The following UBE2E3 variants were observed in gnomAD, a reference collection of about 807,000 sequenced individuals.
UBE2E3 encodes ubiquitin conjugating enzyme E2 E3.
A neutral mutation model predicts 23.6 loss-of-function variants in UBE2E3; 5 were observed. The observed-to-expected ratio is 0.21, with a 90% confidence interval of 0.11 to 0.44. UBE2E3 has a LOEUF of 0.44. Ranked by LOEUF, UBE2E3 falls within the 20% of genes least tolerant of loss-of-function variation. The pLI, the probability that UBE2E3 is intolerant of heterozygous loss-of-function variation, is 0.99. For synonymous variants in UBE2E3, 78 were observed against 87.5 expected (o/e 0.89, Z 0.60); for missense variants, 81 against 249.8 (o/e 0.32, Z 4.55).
At position 181,010,420 on chromosome 2, in the gene UBE2E3, T is replaced by G. The variant is rs1685287217; in HGVS notation, c.245+26327T>G. On this transcript the variant is annotated intron_variant, in intron 3 of 5. Transcript: ENST00000410062. Reference sequence around the variant, plus strand: ...AGTAGTGGGTGTACAAGTCGCGCTCTTATTGCAGCTGGCAGCATGTCAGTC... The same window carrying G: ...AGTAGTGGGTGTACAAGTCGCGCTCGTATTGCAGCTGGCAGCATGTCAGTC... Among the ~76,000 whole-genome samples, 3 of 152,190 alleles carry G rather than the reference T, an allele frequency of 2.0e-5. No individual in the cohort carries two copies. The South Asian group carries it at 6.2e-4, about 31-fold the overall frequency.
intron 3 of UBE2E3, among the ~76,000 whole-genome samples, chr2:181,012,700 C>T (rs779060058): frequency 5.9e-5 from 9 of 152,068 alleles, no homozygotes; most frequent in Non-Finnish European, 1.3e-4. Flanking sequence ...ATACCCATAT[C>T]CCTAGTTGTT....
chr2:181,006,866 A>C (rs56319018), intron 3 of UBE2E3, among the ~76,000 whole-genome samples: 35,340 of 152,128 alleles, frequency 0.23, 4,472 homozygotes, highest in Non-Finnish European at 0.28. Flanking sequence ...TTTTTAAAGT[A>C]AGATACTACT....
At chr2:180,991,785 G>A (rs1684666731) in intron 3 of UBE2E3, among the ~76,000 whole-genome samples, 1 of 151,900 alleles carries the variant, frequency 6.6e-6, no homozygotes, top group African/African-American at 2.4e-5. Context: ...AGCATATACA[G>A]TATGGATAAA....
intron 5 of UBE2E3, 151 bp from the exon 6 acceptor site, chr2:181,062,640 C>T (rs1447779933): frequency 7.7e-6 from 3 of 390,006 alleles, no homozygotes; most frequent in Non-Finnish European, 1.4e-5. Flanking sequence ...TACATATGAT[C>T]ATGTTACTTT....
At chr2:181,051,215 T>G (rs761098531) in intron 3 of UBE2E3, among the ~76,000 whole-genome samples, 1 of 151,902 alleles carries the variant, frequency 6.6e-6, no homozygotes, top group Non-Finnish European at 1.5e-5. Flanking sequence ...ATCCTTCAGC[T>G]TAACTTTTTT....
intron 3 of UBE2E3, chr2:180,990,126 T>C (rs1160598124): frequency 1.1e-6 from 1 of 879,160 alleles, no homozygotes; most frequent in Non-Finnish European, 1.6e-6. Flanking sequence ...CTTTTGCCTT[T>C]TGATCAGTGG....
At chr2:181,024,930 C>A (rs1243915977) in intron 3 of UBE2E3, among the ~76,000 whole-genome samples, 1 of 151,916 alleles carries the variant, frequency 6.6e-6, no homozygotes, top group Non-Finnish European at 1.5e-5. Context: ...TGCTTCACAT[C>A]AGCTCTATTA....
chr2:181,052,626 A>G (rs1249376407), intron 3 of UBE2E3, among the ~76,000 whole-genome samples: 1 of 151,800 alleles, frequency 6.6e-6, no homozygotes, highest in Non-Finnish European at 1.5e-5. Flanking sequence ...ACTTTCACAC[A>G]TTTTAACACC....
chr2:181,052,757 A>T (rs1686880348), intron 3 of UBE2E3, among the ~76,000 whole-genome samples: 1 of 151,798 alleles, frequency 6.6e-6, no homozygotes, highest in South Asian at 2.1e-4. Flanking sequence ...ACTTTTGCTG[A>T]AAGGTCTACC....
chr2:181,061,976 A>G (rs1687169075), intron 5 of UBE2E3, among the ~76,000 whole-genome samples: 2 of 151,568 alleles, frequency 1.3e-5, no homozygotes. Flanking sequence ...GAATGTGACA[A>G]CTCTATATGA....
chr2:181,039,822 G>A (rs1686426891), intron 3 of UBE2E3, among the ~76,000 whole-genome samples: 1 of 152,112 alleles, frequency 6.6e-6, no homozygotes, highest in South Asian at 2.1e-4. Context: ...AAATACTCAA[G>A]TTCCTTATAT....
chr2:181,009,531 ATTTATACTAGGCTTTATTATT>A (rs1293993260), intron 3 of UBE2E3, among the ~76,000 whole-genome samples: 54 of 151,870 alleles, frequency 3.6e-4, no homozygotes, highest in African/African-American at 1.3e-3. Flanking sequence ...ACTAGGCTTT[ATTTATACTAGGCTTTATTATT>A]TTATTTTATT....
intron 3 of UBE2E3, among the ~76,000 whole-genome samples, chr2:180,994,985 G>A (rs764414337): frequency 6.6e-6 from 1 of 152,168 alleles, no homozygotes; most frequent in African/African-American, 2.4e-5. Context: ...ATAACATACT[G>A]TATTACTGCA....
intron 3 of UBE2E3, among the ~76,000 whole-genome samples, chr2:180,994,137 T>C (rs958985708): frequency 2.6e-5 from 4 of 152,214 alleles, no homozygotes; most frequent in African/African-American, 9.6e-5. Context: ...GACATTTTTC[T>C]CATCTTCCCA....
intron 3 of UBE2E3, among the ~76,000 whole-genome samples, chr2:181,034,446 A>G (rs1686195616): frequency 1.3e-5 from 2 of 152,212 alleles, no homozygotes; most frequent in Admixed American, 6.5e-5. Flanking sequence ...CAAACACCAC[A>G]GGTTCTCACT....
At chr2:180,984,449 C>T (rs943685781) in intron 3 of UBE2E3, among the ~76,000 whole-genome samples, 2 of 152,172 alleles carry the variant, frequency 1.3e-5, no homozygotes, top group Non-Finnish European at 2.9e-5. Flanking sequence ...TGTGTGCAAT[C>T]TGAACTGACC....
At chr2:180,987,892 A>G (rs1167523059) in intron 3 of UBE2E3, among the ~76,000 whole-genome samples, 1 of 152,054 alleles carries the variant, frequency 6.6e-6, no homozygotes, top group East Asian at 1.9e-4. Flanking sequence ...TGCTTCCCCC[A>G]ACCCCCAACC....
intron 3 of UBE2E3, among the ~76,000 whole-genome samples, chr2:181,024,303 C>A (rs1685807040): frequency 6.6e-6 from 1 of 152,046 alleles, no homozygotes. Context: ...AATGTTAAAA[C>A]CAGATTACGA....
intron 3 of UBE2E3, among the ~76,000 whole-genome samples, chr2:180,997,172 A>AT (rs923397250): frequency 1.3e-5 from 2 of 149,750 alleles, no homozygotes; most frequent in African/African-American, 2.5e-5. Flanking sequence ...TTTCTAAGAG[A>AT]TTTTTTTAAG....
Sources: gnomAD v4.1 joint callset for allele counts (sites outside exome capture counted in the v4.1 genomes callset) on GRCh38, gnomAD v4.1.1 for gene constraint, MANE v1.5 for transcripts, NCBI Gene and HGNC (gene_info 2026-07-23, HGNC 2026-07-21) for gene names.